ROBO2: variants seen among roughly 807,000 people sequenced by gnomAD.
The protein encoded by ROBO2 is roundabout guidance receptor 2.
A neutral mutation model predicts 160.8 loss-of-function variants in ROBO2; 53 were observed. The observed-to-expected ratio is 0.33, with a 90% confidence interval of 0.26 to 0.41. The LOEUF (loss-of-function observed/expected upper bound fraction) is 0.41. ROBO2 is among the 10% of genes least tolerant of loss of function. ROBO2 has a pLI of 1.00. For synonymous variants in ROBO2, 664 were observed against 611.7 expected (o/e 1.09, Z -1.26); for missense variants, 1,577 against 1,722.4 (o/e 0.92, Z 1.49).
intron 2 of ROBO2, among the ~76,000 whole-genome samples, chr3:76,516,809 G>C (rs1206760747): frequency 1.3e-5 from 2 of 152,142 alleles, no homozygotes; most frequent in Admixed American, 1.3e-4. Context: ...ATTACTAGAA[G>C]GAGACCTTCT....
intron 2 of ROBO2, among the ~76,000 whole-genome samples, chr3:76,854,439 C>T (rs2148565888): frequency 6.6e-6 from 1 of 152,232 alleles, no homozygotes; most frequent in African/African-American, 2.4e-5. Flanking sequence ...TTATCTTACA[C>T]AGACAACACC....
intron 2 of ROBO2, among the ~76,000 whole-genome samples, chr3:76,921,300 G>A (rs2076644135): frequency 6.6e-6 from 1 of 152,060 alleles, no homozygotes; most frequent in African/African-American, 2.4e-5. Flanking sequence ...AAGGTAAATG[G>A]GAAATTCCAT....
At chr3:76,328,107 T>C (rs1235205015) in intron 2 of ROBO2, among the ~76,000 whole-genome samples, 1 of 152,200 alleles carries the variant, frequency 6.6e-6, no homozygotes, top group Non-Finnish European at 1.5e-5. Flanking sequence ...GATCAACATA[T>C]ACAATAGTTC....
At chr3:77,081,291 C>T (rs562039437) in intron 1 of ROBO2, among the ~76,000 whole-genome samples, 11 of 152,308 alleles carry the variant, frequency 7.2e-5, no homozygotes, top group South Asian at 2.1e-4. Flanking sequence ...CTCATTATTA[C>T]GCCATTGGCC....
At chr3:76,191,725 T>G (rs1045787165) in intron 2 of ROBO2, among the ~76,000 whole-genome samples, 4 of 152,004 alleles carry the variant, frequency 2.6e-5, no homozygotes, top group Non-Finnish European at 5.9e-5. Context: ...TTAGAATTGA[T>G]TTTTTTTAAA....
chr3:77,219,383 A>G (rs1384077826), intron 2 of ROBO2, among the ~76,000 whole-genome samples: 1 of 141,942 alleles, frequency 7.0e-6, no homozygotes, highest in Non-Finnish European at 1.5e-5. Context: ...ATTAAGCTTT[A>G]TTTTATGTGT....
chr3:77,126,692 G>A (rs1274376869), intron 2 of ROBO2, among the ~76,000 whole-genome samples: 1 of 147,026 alleles, frequency 6.8e-6, no homozygotes, highest in African/African-American at 2.7e-5. Flanking sequence ...GAAGGAATAT[G>A]GGTGGATATA....
rs185895847 is a variant in ROBO2, at chr3:76,473,704, A to G, written c.109+536102A>G. On this transcript the variant is annotated intron_variant, in intron 2 of 26. Coordinates refer to the ROBO2 transcript ENST00000487694. Reference sequence around the variant, plus strand: ...AAATAATAACCTCTTTTTCAATTAAAGAATGTTGAATGATATCTAGGGAGA... The same window carrying G: ...AAATAATAACCTCTTTTTCAATTAAGGAATGTTGAATGATATCTAGGGAGA... 5.6e-3 allele frequency among the ~76,000 whole-genome samples: 860 copies of G among 152,306 alleles called. 10 individuals are homozygous for G. The highest frequency in any genetic ancestry group is 0.019 in the African/African-American group (810 of 41,570).
At chr3:77,479,138 A>G (rs747731776) in intron 3 of ROBO2, among the ~76,000 whole-genome samples, 1 of 152,170 alleles carries the variant, frequency 6.6e-6, no homozygotes. Context: ...ACAAATAGAC[A>G]AAGTTCCTCT....
At chr3:77,513,013 C>T (rs1211050237) in intron 5 of ROBO2, among the ~76,000 whole-genome samples, 2 of 151,740 alleles carry the variant, frequency 1.3e-5, no homozygotes, top group Admixed American at 1.3e-4. Context: ...AAAAACTAAA[C>T]ATGTTGAGAA....
chr3:77,533,585 G>A (rs549772251), intron 6 of ROBO2, among the ~76,000 whole-genome samples: 1 of 152,152 alleles, frequency 6.6e-6, no homozygotes, highest in Admixed American at 6.5e-5. Context: ...GACTCACTGT[G>A]TTAAGTGGCT....
At chr3:76,581,091 TTGTA>T (rs886136334) in intron 2 of ROBO2, among the ~76,000 whole-genome samples, 3 of 152,192 alleles carry the variant, frequency 2.0e-5, no homozygotes, top group African/African-American at 7.2e-5. Context: ...AATGTAGTAT[TTGTA>T]TGTACTGTCC....
intron 2 of ROBO2, among the ~76,000 whole-genome samples, chr3:76,867,773 A>G (rs2071532522): frequency 6.6e-6 from 1 of 152,216 alleles, no homozygotes; most frequent in Non-Finnish European, 1.5e-5. Context: ...GGGGAAATTG[A>G]GCTCATTGCA....
intron 2 of ROBO2, among the ~76,000 whole-genome samples, chr3:76,318,856 C>CA (rs1247297257): frequency 4.6e-5 from 7 of 151,248 alleles, no homozygotes; most frequent in East Asian, 1.9e-4. Context: ...ATTAAAATTT[C>CA]AAAAAAAAGA....
intron 2 of ROBO2, among the ~76,000 whole-genome samples, chr3:76,231,807 G>A (rs922463636): frequency 1.3e-5 from 2 of 152,152 alleles, no homozygotes; most frequent in Admixed American, 6.5e-5. Context: ...AATCTGTACT[G>A]TAATATTATG....
chr3:76,637,650 T>C (rs1264394931), intron 2 of ROBO2, among the ~76,000 whole-genome samples: 2 of 152,198 alleles, frequency 1.3e-5, no homozygotes, highest in Admixed American at 6.5e-5. Flanking sequence ...CACTGTTTTA[T>C]ATAACTCAGT....
At chr3:77,099,511 T>TATGAGC (rs2071610137) in intron 2 of ROBO2, among the ~76,000 whole-genome samples, 4 of 152,312 alleles carry the variant, frequency 2.6e-5, no homozygotes, top group African/African-American at 9.6e-5. Flanking sequence ...AGTAGGACTT[T>TATGAGC]AGTTAACAAT....
intron 2 of ROBO2, among the ~76,000 whole-genome samples, chr3:76,235,900 G>C (rs1036633840): frequency 2.0e-5 from 3 of 152,110 alleles, no homozygotes; most frequent in African/African-American, 7.2e-5. Flanking sequence ...TTAAAAATTG[G>C]AAGAAGAGAA....
intron 1 of ROBO2, among the ~76,000 whole-genome samples, chr3:75,909,576 A>G (rs1946480436): frequency 6.6e-6 from 1 of 152,204 alleles, no homozygotes; most frequent in Non-Finnish European, 1.5e-5. Context: ...GCTCTTGCCC[A>G]TGTGACCTGT....
Sources: gnomAD v4.1 joint callset for allele counts (sites outside exome capture counted in the v4.1 genomes callset) on GRCh38, gnomAD v4.1.1 for gene constraint, MANE v1.5 for transcripts, NCBI Gene and HGNC (gene_info 2026-07-23, HGNC 2026-07-21) for gene names.